LRRTM4: variants seen among roughly 807,000 people sequenced by gnomAD.
LRRTM4 encodes leucine-rich repeat transmembrane neuronal protein 4.
In LRRTM4, 25 loss-of-function variants were observed where a neutral mutation model predicts 47.6. The observed-to-expected ratio is 0.53, with a 90% CI of 0.38 to 0.73. The LOEUF (loss-of-function observed/expected upper bound fraction) is 0.73. LRRTM4 is among the 30% of genes least tolerant of loss of function. The pLI is 0.00. For synonymous variants in LRRTM4, 311 were observed against 269.5 expected (o/e 1.15, Z -1.51); for missense variants, 638 against 713.4 (o/e 0.89, Z 1.20).
chr2:77,245,700 A>C (rs1377576687), intron 3 of LRRTM4, among the ~76,000 whole-genome samples: 1 of 152,030 alleles, frequency 6.6e-6, no homozygotes, highest in Non-Finnish European at 1.5e-5. Flanking sequence ...CTAGCTCTCA[A>C]TCTAGCTTAT....
chr2:76,961,078 C>G (rs1675841871), intron 3 of LRRTM4, among the ~76,000 whole-genome samples: 1 of 151,160 alleles, frequency 6.6e-6, no homozygotes, highest in South Asian at 2.1e-4. Context: ...TATATTAACT[C>G]ATTATCTACT....
At chr2:77,221,483 T>C (rs1181446472) in intron 3 of LRRTM4, among the ~76,000 whole-genome samples, 10 of 151,964 alleles carry the variant, frequency 6.6e-5, no homozygotes, top group African/African-American at 2.2e-4. Context: ...GAGACACACA[T>C]AGGCTCAAAA....
intron 3 of LRRTM4, among the ~76,000 whole-genome samples, chr2:77,304,842 TCA>T (rs1423432062): frequency 6.6e-6 from 1 of 152,114 alleles, no homozygotes; most frequent in Non-Finnish European, 1.5e-5. Context: ...TTTTTTGGGA[TCA>T]CACAGTTAGT....
At chr2:77,105,228 A>G (rs1671063710) in intron 3 of LRRTM4, among the ~76,000 whole-genome samples, 1 of 152,178 alleles carries the variant, frequency 6.6e-6, no homozygotes. Flanking sequence ...AATAGAAAAC[A>G]GCAACGTCTG....
chr2:77,522,328 G>A lies in LRRTM4; in HGVS notation c.-367C>T, dbSNP rs1054178277. 7 of 506,054 alleles carry A rather than the reference G, an allele frequency of 1.4e-5. No homozygotes were observed. Among genetic ancestry groups the A allele is most frequent in the Non-Finnish European group, 2.1e-5 (6 of 284,664 alleles). The allele number at this position is 506,054 out of a possible 1,614,324, so 31.3% of individuals were successfully genotyped here. A position where few individuals can be genotyped will look rare whatever the true frequency, so the allele number is the denominator to read the frequency against. On this transcript the variant is annotated 5_prime_UTR_variant, in exon 1 of 4. Transcript: ENST00000409884. ...TAATTCAGAAGGCTTTCCAGAGACT[G>A]ATGATGCTCAGAGCTTGTTGGTGCT...
At chr2:77,512,036 C>T (rs752852719) in intron 3 of LRRTM4, among the ~76,000 whole-genome samples, 3 of 152,128 alleles carry the variant, frequency 2.0e-5, no homozygotes, top group Non-Finnish European at 4.4e-5. Context: ...TAGCTCAGGA[C>T]AACCTCGAAC....
chr2:76,813,237 G>C (rs144239874), intron 3 of LRRTM4, among the ~76,000 whole-genome samples: 25 of 152,246 alleles, frequency 1.6e-4, no homozygotes, highest in Middle Eastern at 3.4e-3. Context: ...ATTTGGAAAG[G>C]TATACCCAGG....
At chr2:76,909,467 T>C (rs1050553751) in intron 3 of LRRTM4, among the ~76,000 whole-genome samples, 3 of 151,704 alleles carry the variant, frequency 2.0e-5, no homozygotes, top group African/African-American at 7.3e-5. Context: ...CCAAAAGCAA[T>C]GGCAACAAAA....
chr2:76,904,577 G>A (rs558969405), intron 3 of LRRTM4, among the ~76,000 whole-genome samples: 1 of 152,168 alleles, frequency 6.6e-6, no homozygotes, highest in African/African-American at 2.4e-5. Flanking sequence ...CTTAGTGGGA[G>A]TATAGAAAAT....
intron 3 of LRRTM4, among the ~76,000 whole-genome samples, chr2:77,219,662 G>A (rs1020817918): frequency 6.6e-6 from 1 of 152,160 alleles, no homozygotes; most frequent in African/African-American, 2.4e-5. Context: ...AGGGCATGAT[G>A]GAAAGAGATG....
chr2:77,089,700 T>G (rs1680864667), intron 3 of LRRTM4, among the ~76,000 whole-genome samples: 1 of 151,638 alleles, frequency 6.6e-6, no homozygotes, highest in South Asian at 2.1e-4. Context: ...ACTTAAAACC[T>G]CTTCAACTCA....
rs115363184 is a variant in LRRTM4, at chr2:76,765,771, T to C, written c.1552-16855A>G. On this transcript the variant is annotated intron_variant, in intron 3 of 3. Transcript: ENST00000409884. ...GTTGTTTAAGCCAACCCATCTGTGG[T>C]ATTTCATTCTGAGAGCCTGAGCCTG... 3.4e-3 allele frequency among the ~76,000 whole-genome samples: 512 copies of C among 152,302 alleles called. 2 individuals carry two copies. Among genetic ancestry groups the C allele is most frequent in the African/African-American group, 0.012 (485 of 41,574 alleles).
intron 3 of LRRTM4, among the ~76,000 whole-genome samples, chr2:77,166,129 T>A (rs987706430): frequency 2.6e-5 from 4 of 152,302 alleles, no homozygotes; most frequent in African/African-American, 9.6e-5. Flanking sequence ...ATAAAATTAA[T>A]GTGCAAAAAT....
At chr2:76,831,766 G>C (rs1478843682) in intron 3 of LRRTM4, among the ~76,000 whole-genome samples, 1 of 151,934 alleles carries the variant, frequency 6.6e-6, no homozygotes, top group Admixed American at 6.6e-5. Context: ...GGATCCTACT[G>C]TTGTCACTAA....
intron 3 of LRRTM4, among the ~76,000 whole-genome samples, chr2:76,766,222 G>C (rs1186193005): frequency 1.3e-5 from 2 of 152,014 alleles, no homozygotes; most frequent in African/African-American, 2.4e-5. Flanking sequence ...GGAACTGGGA[G>C]GGGGTTATAC....
At chr2:77,149,287 A>G (rs945048981) in intron 3 of LRRTM4, among the ~76,000 whole-genome samples, 1 of 152,192 alleles carries the variant, frequency 6.6e-6, no homozygotes, top group Non-Finnish European at 1.5e-5. Context: ...ATTGAGCTAA[A>G]TAAAATATTA....
At chr2:76,832,454 CTTTTTT>C (rs541805872) in intron 3 of LRRTM4, among the ~76,000 whole-genome samples, 2 of 94,042 alleles carry the variant, frequency 2.1e-5, no homozygotes, top group South Asian at 8.1e-4. Flanking sequence ...CCTCGAAGGG[CTTTTTT>C]TTTTTTTTTT....
intron 3 of LRRTM4, among the ~76,000 whole-genome samples, chr2:76,895,883 C>G (rs1673401326): frequency 6.6e-6 from 1 of 151,944 alleles, no homozygotes; most frequent in Admixed American, 6.6e-5. Flanking sequence ...TTCTTTTTCT[C>G]TTTTCAATAA....
At chr2:77,517,577 T>TA in intron 3 of LRRTM4, 1 of 979,436 alleles carries the variant, frequency 1.0e-6, no homozygotes, top group Non-Finnish European at 1.2e-6. Flanking sequence ...AGCCAGTGCA[T>TA]AAAAACCTTT....
Sources: gnomAD v4.1 joint callset for allele counts (sites outside exome capture counted in the v4.1 genomes callset) on GRCh38, gnomAD v4.1.1 for gene constraint, MANE v1.5 for transcripts, NCBI Gene and HGNC (gene_info 2026-07-23, HGNC 2026-07-21) for gene names.